Variants in PDK1 observed in about 807,000 individuals in gnomAD.
The protein encoded by PDK1 is [Pyruvate dehydrogenase (acetyl-transferring)] kinase isozyme 1, mitochondrial.
Under a neutral mutation model 54.2 loss-of-function variants are expected in PDK1, and 39 were observed. That is an observed-to-expected ratio of 0.72 (90% CI 0.56 to 0.94). The LOEUF is 0.94. PDK1 is among the 40% of genes least tolerant of loss of function. PDK1 has a pLI of 0.00. For missense variants in PDK1, 552 were observed against 566.0 expected, an observed-to-expected ratio of 0.98 and a Z score of 0.25; for synonymous variants, 221 against 207.1, an observed-to-expected ratio of 1.07 and a Z score of -0.58.
the PDK1 span, among the ~76,000 whole-genome samples, chr2:172,706,081 T>A: frequency 6.6e-6 from 1 of 152,232 alleles, no homozygotes; most frequent in Non-Finnish European, 1.5e-5. Flanking sequence ...ACAGTCAAGA[T>A]AAAGAACATT....
chr2:172,685,570 C>A, the PDK1 span, among the ~76,000 whole-genome samples: 1 of 152,200 alleles, frequency 6.6e-6, no homozygotes, highest in Non-Finnish European at 1.5e-5. Flanking sequence ...TTATTTTCCT[C>A]ACTGGGATTT....
the PDK1 span, among the ~76,000 whole-genome samples, chr2:172,720,221 T>C: frequency 6.6e-6 from 1 of 151,562 alleles, no homozygotes; most frequent in South Asian, 2.1e-4. Context: ...TTCAAGTGAT[T>C]CTCATGCCTC....
rs534088378 is a variant in PDK1, at chr2:172,568,105, G to A, written c.770-636G>A. Among the ~76,000 whole-genome samples the A allele has an allele frequency of 2.7e-3, 405 of 152,128 alleles. 2 individuals carry two copies. The highest frequency in any genetic ancestry group is 4.6e-3 in the Non-Finnish European group (312 of 67,992). On this transcript the variant is annotated intron_variant, in intron 6 of 10. Coordinates refer to ENST00000282077, the MANE Select transcript of PDK1 (RefSeq NM_002610.5). ...TCCCAGCACTTTGGGAGGCCGAGGC[G>A]GGTGGCTCACAAGGTCAGGAGTTCG...
the PDK1 span, among the ~76,000 whole-genome samples, chr2:172,633,976 A>G: frequency 6.9e-6 from 1 of 144,590 alleles, no homozygotes; most frequent in East Asian, 2.1e-4. Context: ...CCTGGGTTCA[A>G]GCAATTCTCT....
chr2:172,575,388 T>C (rs1689523352), intron 8 of PDK1, among the ~76,000 whole-genome samples: 1 of 152,152 alleles, frequency 6.6e-6, no homozygotes, highest in South Asian at 2.1e-4. Flanking sequence ...TTTGAAGGAT[T>C]GGTATTAATT....
chr2:172,699,116 T>C, the PDK1 span, among the ~76,000 whole-genome samples: 1 of 152,326 alleles, frequency 6.6e-6, no homozygotes, highest in Admixed American at 6.5e-5. Context: ...TAGTCAAATA[T>C]TAAAGAATTA....
the PDK1 span, among the ~76,000 whole-genome samples, chr2:172,712,553 C>T: frequency 1.3e-5 from 2 of 152,166 alleles, no homozygotes; most frequent in Non-Finnish European, 2.9e-5. Flanking sequence ...TTCCAGGTGC[C>T]GGCATGAGTG....
At position 172,599,085 on chromosome 2, in the gene PDK1, A is replaced by C. The variant is rs1451409824; in HGVS notation, c.*3116A>C. On this transcript the variant is annotated 3_prime_UTR_variant, in exon 11 of 11. Coordinates refer to ENST00000282077, the MANE Select transcript of PDK1 (RefSeq NM_002610.5). ...TGATTGACTTGTTGCATAAATGAAG[A>C]TCTTCTGTTGTGTGCTTTTCAAACA... 2.6e-5 allele frequency: 4 copies of C among 151,672 alleles called. No homozygotes were observed. The highest frequency in any genetic ancestry group is 5.9e-5 in the Non-Finnish European group (4 of 67,950). 9.4% of individuals were successfully genotyped at this position (151,672 alleles called of 1,614,324 possible).
intron 8 of PDK1, among the ~76,000 whole-genome samples, chr2:172,571,838 T>TTTG (rs1689283156): frequency 1.5e-5 from 2 of 136,916 alleles, no homozygotes; most frequent in African/African-American, 5.5e-5. Context: ...TTTTTTTTTT[T>TTTG]TTTTTTTTTT....
chr2:172,677,191 T>TCC, the PDK1 span: 1 of 152,160 alleles, frequency 6.6e-6, no homozygotes, highest in Non-Finnish European at 1.5e-5. Context: ...AACTCACATA[T>TCC]CCCCAAGGCA....
chr2:172,711,978 TA>T, the PDK1 span, among the ~76,000 whole-genome samples: 1 of 151,776 alleles, frequency 6.6e-6, no homozygotes, highest in Admixed American at 6.6e-5. Context: ...TTGTTGTTGT[TA>T]AAAGATGTTA....
chr2:172,688,275 T>C, the PDK1 span, among the ~76,000 whole-genome samples: 1 of 152,148 alleles, frequency 6.6e-6, no homozygotes, highest in Non-Finnish European at 1.5e-5. Context: ...ATGTGATATG[T>C]ATGGATGGAT....
chr2:172,647,684 C>T, the PDK1 span, among the ~76,000 whole-genome samples: 1 of 152,146 alleles, frequency 6.6e-6, no homozygotes, highest in Non-Finnish European at 1.5e-5. Context: ...AAAATGGAAA[C>T]TCACTATGAA....
the PDK1 span, among the ~76,000 whole-genome samples, chr2:172,676,171 A>T: frequency 6.6e-6 from 1 of 152,200 alleles, no homozygotes; most frequent in Non-Finnish European, 1.5e-5. Flanking sequence ...GAGATGTACA[A>T]GGAGATTAAC....
chr2:172,581,075 T>C (rs1438334841), intron 8 of PDK1, among the ~76,000 whole-genome samples: 3 of 152,194 alleles, frequency 2.0e-5, no homozygotes, highest in Non-Finnish European at 4.4e-5. Context: ...TTAAGTGCAT[T>C]AATTATATGG....
chr2:172,625,707 C>T, the PDK1 span, among the ~76,000 whole-genome samples: 2,460 of 152,204 alleles, frequency 0.016, 33 homozygotes, highest in Non-Finnish European at 0.027. Context: ...TAATGGAGCA[C>T]TTATGACACC....
chr2:172,637,568 C>A, the PDK1 span, among the ~76,000 whole-genome samples: 141 of 152,264 alleles, frequency 9.3e-4, 1 homozygote, highest in Non-Finnish European at 1.9e-3. Flanking sequence ...TTTTAATCCA[C>A]TTTTCTGTAG....
the PDK1 span, among the ~76,000 whole-genome samples, chr2:172,654,211 C>T: frequency 9.9e-5 from 15 of 152,218 alleles, no homozygotes; most frequent in Non-Finnish European, 2.1e-4. Context: ...AACAGTGTGG[C>T]GATTCCTCAA....
chr2:172,690,397 TTGG>T, the PDK1 span, among the ~76,000 whole-genome samples: 1 of 150,270 alleles, frequency 6.7e-6, no homozygotes, highest in African/African-American at 2.4e-5. Flanking sequence ...TTTTACACTG[TTGG>T]TGGGAGTGTA....
Sources: allele counts gnomAD v4.1 joint callset (sites outside exome capture counted in the v4.1 genomes callset), GRCh38; gene constraint gnomAD v4.1.1; transcripts MANE v1.5; gene names NCBI Gene and HGNC (gene_info 2026-07-23, HGNC 2026-07-21).